Variants in ATP10B observed in about 807,000 individuals in gnomAD.
ATP10B encodes ATPase phospholipid transporting 10B (putative).
Under a neutral mutation model 141.2 loss-of-function variants are expected in ATP10B, and 122 were observed. The ratio of observed to expected loss-of-function variants is 0.86; its 90% CI spans 0.75 to 1.00. The LOEUF is 1.00. ATP10B is among the 50% of genes least tolerant of loss of function. The probability of loss-of-function intolerance (pLI) is 0.00; values close to 1 mark genes in which losing one functional copy is unlikely to be tolerated. For missense variants in ATP10B, 1,876 were observed against 1,825.3 expected (o/e 1.03, Z -0.51); for synonymous variants, 685 against 692.0 (o/e 0.99, Z 0.16).
intron 13 of ATP10B, among the ~76,000 whole-genome samples, chr5:160,623,756 G>C (rs921674591): frequency 2.6e-5 from 4 of 152,200 alleles, no homozygotes; most frequent in Admixed American, 6.5e-5. Context: ...CTCTCAGGCA[G>C]TGAGATCTTA....
At chr5:160,733,869 G>A (rs1046501403) in intron 2 of ATP10B, among the ~76,000 whole-genome samples, 3 of 151,758 alleles carry the variant, frequency 2.0e-5, no homozygotes, top group Non-Finnish European at 2.9e-5. Context: ...ACTTTTGAAG[G>A]CCAAGGAGGT....
At chr5:160,573,800 T>C (rs543948795) in intron 24 of ATP10B, among the ~76,000 whole-genome samples, 1 of 152,320 alleles carries the variant, frequency 6.6e-6, no homozygotes, top group South Asian at 2.1e-4. Context: ...ATTTTATCTA[T>C]GTTGAAAGAC....
chr5:160,870,748 A>C, the ATP10B span, among the ~76,000 whole-genome samples: 74 of 151,746 alleles, frequency 4.9e-4, no homozygotes, highest in Admixed American at 7.9e-4. Flanking sequence ...CCAAAAAAAA[A>C]CACAAAAAAC....
chr5:160,855,085 GAATA>G (rs1298817922), upstream of ATP10B, among the ~76,000 whole-genome samples: 1 of 152,068 alleles, frequency 6.6e-6, no homozygotes, highest in Non-Finnish European at 1.5e-5. Flanking sequence ...TATTTTTCTA[GAATA>G]AATGCACAGA....
the ATP10B span, among the ~76,000 whole-genome samples, chr5:160,870,418 A>C: frequency 6.6e-6 from 1 of 152,100 alleles, no homozygotes; most frequent in African/African-American, 2.4e-5. Context: ...ATAAAAAAAA[A>C]ACCCCACAAT....
intron 2 of ATP10B, among the ~76,000 whole-genome samples, chr5:160,764,312 A>C (rs1267210004): frequency 6.6e-6 from 1 of 152,152 alleles, no homozygotes; most frequent in African/African-American, 2.4e-5. Context: ...AAAATCCTCA[A>C]CAAAATACCA....
In ATP10B at chr5:160,735,723, C is replaced by T. The variant is rs535437217; in HGVS notation, c.-330-18689G>A. Among the ~76,000 whole-genome samples the T allele has an allele frequency of 7.9e-5, 12 of 152,036 alleles. No homozygotes were observed. The South Asian group carries it at 2.5e-3, about 32-fold the overall frequency. ...GTTTCCTTAGCACATGGATCATTCT[C>T]AAGGATAGACCATATGTTAGGTCAC... On this transcript the variant is annotated intron_variant, in intron 2 of 25. Coordinates refer to ENST00000327245, the MANE Select transcript of ATP10B (RefSeq NM_025153.3).
intron 1 of ATP10B, among the ~76,000 whole-genome samples, chr5:160,848,855 T>C (rs1374261041): frequency 6.6e-6 from 1 of 152,208 alleles, no homozygotes; most frequent in Non-Finnish European, 1.5e-5. Context: ...AAGTCATCTT[T>C]GTCCTACCTA....
chr5:160,912,733 A>G, the ATP10B span, among the ~76,000 whole-genome samples: 1 of 151,478 alleles, frequency 6.6e-6, no homozygotes, highest in South Asian at 2.1e-4. Context: ...AGAGAGAGAG[A>G]GAAAGAAAGA....
At position 160,612,817 on chromosome 5, in the gene ATP10B, G is replaced by A. The variant is rs748847395; in HGVS notation, c.2762C>T (p.Thr921Ile). The A allele has an allele frequency of 1.1e-5, 18 of 1,614,118 alleles. No homozygotes were observed. In the South Asian group the frequency reaches 1.8e-4, roughly 16 times the overall value. The change falls in exon 18 of 26, where the codon ACA (threonine) becomes ATA (isoleucine). Residue 921 changes from threonine (T) to isoleucine (I), a missense_variant. Coordinates refer to ENST00000327245, the MANE Select transcript of ATP10B (RefSeq NM_025153.3). Reference protein sequence around the residue: ...LWVLTGDKQETAVNIAHSCRL... With the variant: ...LWVLTGDKQEIAVNIAHSCRL... ...GCAGGAATGGGCAATGTTGACCGCTGTCTCCTGCTTATCTCCAGTCAGGAC... is the reference window on the plus strand; with the variant it reads ...GCAGGAATGGGCAATGTTGACCGCTATCTCCTGCTTATCTCCAGTCAGGAC...
chr5:160,769,108 C>T (rs1475660888), intron 2 of ATP10B, among the ~76,000 whole-genome samples: 1 of 152,146 alleles, frequency 6.6e-6, no homozygotes, highest in Non-Finnish European at 1.5e-5. Context: ...ACAGAGTTTC[C>T]ATAGATGAGT....
intron 2 of ATP10B, among the ~76,000 whole-genome samples, chr5:160,736,366 T>C (rs1767113142): frequency 6.6e-6 from 1 of 152,018 alleles, no homozygotes; most frequent in South Asian, 2.1e-4. Context: ...CTAGAGGAAA[T>C]GAGCAAATTT....
chr5:160,652,873 TATAATATATATATAATTA>T (rs1760893610), intron 7 of ATP10B, among the ~76,000 whole-genome samples: 2 of 89,490 alleles, frequency 2.2e-5, no homozygotes, highest in Non-Finnish European at 3.8e-5. Flanking sequence ...ATATAATATA[TATAATATATATATAATTA>T]TATAATATAT....
At chr5:160,664,609 A>G (rs1205168748) in intron 7 of ATP10B, among the ~76,000 whole-genome samples, 1 of 152,214 alleles carries the variant, frequency 6.6e-6, no homozygotes, top group Non-Finnish European at 1.5e-5. Flanking sequence ...TCCTGTTAAA[A>G]TGCAGATTCT....
At chr5:160,597,286 C>T (rs1267308413) in intron 22 of ATP10B, among the ~76,000 whole-genome samples, 1 of 152,192 alleles carries the variant, frequency 6.6e-6, no homozygotes, top group Non-Finnish European at 1.5e-5. Flanking sequence ...CAAAAACTAG[C>T]AATGGGGAAA....
intron 22 of ATP10B, among the ~76,000 whole-genome samples, chr5:160,598,047 CA>C (rs1425078721): frequency 3.9e-4 from 39 of 100,670 alleles, no homozygotes; most frequent in African/African-American, 1.2e-3. Flanking sequence ...GGTATATACC[CA>C]AAAGACTATA....
At chr5:160,774,761 T>C (rs917158441) in intron 2 of ATP10B, among the ~76,000 whole-genome samples, 2 of 152,176 alleles carry the variant, frequency 1.3e-5, no homozygotes, top group Non-Finnish European at 2.9e-5. Flanking sequence ...AGACACAAAC[T>C]TAGGCTCCAG....
chr5:160,869,230 ACT>A, the ATP10B span, among the ~76,000 whole-genome samples: 2 of 152,022 alleles, frequency 1.3e-5, no homozygotes, highest in African/African-American at 4.8e-5. Context: ...TTATTACCAC[ACT>A]CTGCCCAACT....
intron 2 of ATP10B, among the ~76,000 whole-genome samples, chr5:160,748,482 CAA>C (rs1233622775): frequency 6.6e-6 from 1 of 152,190 alleles, no homozygotes; most frequent in African/African-American, 2.4e-5. Flanking sequence ...CCACTGGGTA[CAA>C]AAGAGTGCTG....
Sources: gnomAD v4.1 joint callset for allele counts (sites outside exome capture counted in the v4.1 genomes callset) on GRCh38, gnomAD v4.1.1 for gene constraint, MANE v1.5 for transcripts, NCBI Gene and HGNC (gene_info 2026-07-23, HGNC 2026-07-21) for gene names.